The following LY75 variants were observed in gnomAD, a reference collection of about 807,000 sequenced individuals.
LY75 encodes lymphocyte antigen 75.
Under a neutral mutation model 231.7 loss-of-function variants are expected in LY75, and 185 were observed. The observed-to-expected ratio is 0.80, with a 90% CI of 0.71 to 0.90. The LOEUF is 0.90. Among genes scored for constraint, LY75 ranks in the 40% least tolerant of loss-of-function variants. The pLI is 0.00. For missense variants in LY75, 1,947 were observed against 2,050.2 expected (o/e 0.95, Z 0.97); for synonymous variants, 668 against 689.0 (o/e 0.97, Z 0.48).
intron 34 of LY75, among the ~76,000 whole-genome samples, chr2:159,805,899 C>T (rs755907540): frequency 1.3e-5 from 2 of 152,188 alleles, no homozygotes; most frequent in Non-Finnish European, 2.9e-5. Context: ...AACCAGAACT[C>T]AAGCCTTGCT....
chr2:159,886,822 T>C (rs1355644660), intron 4 of LY75, among the ~76,000 whole-genome samples: 5 of 152,182 alleles, frequency 3.3e-5, no homozygotes, highest in East Asian at 1.9e-4. Context: ...TGTCTCACTA[T>C]CTATTTTTAA....
chr2:159,879,892 T>C (rs1685383424), intron 8 of LY75, among the ~76,000 whole-genome samples: 1 of 152,192 alleles, frequency 6.6e-6, no homozygotes, highest in South Asian at 2.1e-4. Flanking sequence ...TTAACATTAA[T>C]TTGCTTAATT....
chr2:159,855,028 C>G, intron 16 of LY75, 89 bp from the exon 17 acceptor site: 1 of 1,543,358 alleles, frequency 6.5e-7, no homozygotes, highest in Non-Finnish European at 8.9e-7. Flanking sequence ...CTCGAAAGGA[C>G]TTGCAGTATT....
In LY75 at chr2:159,878,663, C is replaced by T. The variant is rs147820690; in HGVS notation, c.1574G>A (p.Gly525Glu). The change falls in exon 10 of 35, where the codon GGA (glycine) becomes GAA (glutamate). Residue 525 changes from glycine to glutamate, a missense_variant. Physicochemically the swap from Gly to Glu is moderately conservative, Grantham distance 98. Coordinates refer to ENST00000263636, the MANE Select transcript of LY75 (RefSeq NM_002349.4). The part of the protein sequence containing the change: ...YKIYEDEVPF[G>E]TNCNLTITSR... ...AGTGATAGTCAGATTGCAGTTTGTT[C>T]CAAAAGGGACCTCATCCTCATAAAT... The T allele has an allele frequency of 2.2e-3, 3,539 of 1,613,956 alleles. 7 individuals are homozygous for T. The highest frequency in any genetic ancestry group is 2.7e-3 in the Non-Finnish European group (3,215 of 1,179,934).
chr2:159,890,479 A>AG, intron 3 of LY75, 102 bp from the exon 4 acceptor site: 1 of 1,510,594 alleles, frequency 6.6e-7, no homozygotes, highest in Non-Finnish European at 8.9e-7. Flanking sequence ...TACTCTTAGG[A>AG]TATGCCCAAA....
At chr2:159,839,314 A>G in intron 25 of LY75, among the ~76,000 whole-genome samples, 1 of 152,202 alleles carries the variant, frequency 6.6e-6, no homozygotes, top group East Asian at 1.9e-4. Flanking sequence ...GTGGCCTATA[A>G]TGCCAATAGG....
intron 24 of LY75, among the ~76,000 whole-genome samples, chr2:159,841,397 AG>A (rs1684023360): frequency 6.6e-6 from 1 of 152,184 alleles, no homozygotes; most frequent in Admixed American, 6.5e-5. Flanking sequence ...CTAATAAAGG[AG>A]TTAGTTAAAA....
chr2:159,875,644 C>A lies in LY75; in HGVS notation c.1775-1G>T, dbSNP rs1685245158. 1 of 1,613,612 alleles carries A rather than the reference C, an allele frequency of 6.2e-7. No homozygotes were observed. The highest frequency in any genetic ancestry group is 1.7e-5 in the Admixed American group (1 of 59,938). The stretch of plus-strand genomic sequence containing the variant: ...ATAGCCACGCAGCCGCCCGGGGAAG[C>A]TGGGATTGAAGTGGAAAGCTCAATT... On this transcript the variant is annotated splice_acceptor_variant, in intron 11 of 34. Transcript: ENST00000263636. LOFTEE classifies it high-confidence loss of function.
intron 31 of LY75, 104 bp downstream of exon 31, chr2:159,815,301 C>T: frequency 7.1e-7 from 1 of 1,417,590 alleles, no homozygotes. Flanking sequence ...GCGCCCGGCC[C>T]TTGTGAATAA....
intron 29 of LY75, among the ~76,000 whole-genome samples, chr2:159,818,417 C>G (rs145538599): frequency 8.5e-5 from 13 of 152,122 alleles, no homozygotes; most frequent in Non-Finnish European, 1.6e-4. Context: ...GAAAAACATA[C>G]GCCAACCCAA....
chr2:159,904,029 G>A (rs1686158484), intron 1 of LY75, among the ~76,000 whole-genome samples: 1 of 152,196 alleles, frequency 6.6e-6, no homozygotes, highest in African/African-American at 2.4e-5. Flanking sequence ...GGGCATCATA[G>A]CTGACTCTTG....
rs759850087 is a variant in LY75, at chr2:159,805,117, G to T, written c.5096C>A (p.Ala1699Glu). The T allele has an allele frequency of 6.2e-7, 1 of 1,613,982 alleles. No individual in the cohort carries two copies. The highest frequency in any genetic ancestry group is 2.2e-5 in the East Asian group (1 of 44,864). Residue 1699 changes from alanine (A) to glutamate (E), a missense_variant, in exon 35 of 35, where the codon GCG (alanine) becomes GAG (glutamate). Physicochemically the swap from Ala to Glu is moderately radical, Grantham distance 107. Coordinates refer to ENST00000263636, the MANE Select transcript of LY75 (RefSeq NM_002349.4). ...FLFQRHRLHL[A>E]GFSSVRYAQG... ...TGCATATCGAACTGATGAGAAACCC[G>T]CCAGGTGCAAACGGTGCCTTTGGAA...
chr2:159,819,080 G>C (rs1683208333), intron 29 of LY75, among the ~76,000 whole-genome samples: 1 of 152,188 alleles, frequency 6.6e-6, no homozygotes, highest in Admixed American at 6.5e-5. Context: ...GGTGGACACG[G>C]TCTTGGGAAG....
intron 5 of LY75, 67 bp from the exon 6 acceptor site, chr2:159,885,360 A>G (rs1043910472): frequency 5.8e-6 from 9 of 1,540,062 alleles, no homozygotes; most frequent in Non-Finnish European, 7.0e-6. Context: ...GTCAGAAAGA[A>G]TAATTTGTAT....
At chr2:159,848,306 G>A (rs1346177872) in intron 23 of LY75, among the ~76,000 whole-genome samples, 1 of 151,900 alleles carries the variant, frequency 6.6e-6, no homozygotes, top group Non-Finnish European at 1.5e-5. Context: ...ACTCAGTAAT[G>A]GAAAACCAAA....
chr2:159,858,823 T>C (rs10186586), intron 15 of LY75, among the ~76,000 whole-genome samples: 61,871 of 152,096 alleles, frequency 0.41, 13,280 homozygotes, highest in South Asian at 0.67. Flanking sequence ...CCAGCCTCAG[T>C]GGCTCAGGCT....
intron 13 of LY75, among the ~76,000 whole-genome samples, chr2:159,870,765 G>A (rs1327276852): frequency 6.6e-6 from 1 of 151,398 alleles, no homozygotes; most frequent in Non-Finnish European, 1.5e-5. Context: ...TCTCACCTCA[G>A]GCCCCCAAAG....
chr2:159,815,710 A>G (rs866779201), intron 30 of LY75, 137 bp from the exon 31 acceptor site: 2 of 1,069,016 alleles, frequency 1.9e-6, no homozygotes, highest in Middle Eastern at 5.8e-4. Flanking sequence ...GTCTGAACCT[A>G]CTATTATTGT....
rs1359161350 is a variant in LY75, at chr2:159,885,257, C to T, written c.950G>A (p.Cys317Tyr). The T allele has an allele frequency of 6.2e-7, 1 of 1,613,662 alleles. No individual in the cohort carries two copies. ...ACCAGACTCAGCATCCATTCTTGCA[C>T]AGCTGGAGCCACCTATAGTAGGTGC... is the stretch of plus-strand genomic sequence containing the variant. ...PSAPTIGGSS[C>Y]ARMDAESGLW... is the part of the protein sequence containing the mutation. The change falls in exon 6 of 35, where the codon TGT (cysteine) becomes TAT (tyrosine). Residue 317 changes from cysteine (C) to tyrosine (Y), a missense_variant. Coordinates refer to ENST00000263636, the MANE Select transcript of LY75 (RefSeq NM_002349.4).
Sources: allele counts gnomAD v4.1 joint callset (sites outside exome capture counted in the v4.1 genomes callset), GRCh38; gene constraint gnomAD v4.1.1; transcripts MANE v1.5; gene names NCBI Gene and HGNC (gene_info 2026-07-23, HGNC 2026-07-21).